The following NHSL1 variants were observed in gnomAD, a reference collection of about 807,000 sequenced individuals.
NHSL1 encodes NHS like 1, also known as NHS-like protein 1.
Under a neutral mutation model 95.0 loss-of-function variants are expected in NHSL1, and 48 were observed. The ratio of observed to expected loss-of-function variants is 0.51; its 90% confidence interval spans 0.40 to 0.64. The LOEUF (loss-of-function observed/expected upper bound fraction) is 0.64, where lower values mean the gene tolerates loss of function less well. Among genes scored for constraint, NHSL1 ranks in the 30% least tolerant of loss-of-function variants. NHSL1 has a pLI of 0.00. For synonymous variants in NHSL1, 783 were observed against 833.9 expected (o/e 0.94, Z 1.05); for missense variants, 1,971 against 2,077.7 (o/e 0.95, Z 1.00).
upstream of NHSL1, among the ~76,000 whole-genome samples, chr6:138,546,594 G>A (rs539306720): frequency 6.6e-6 from 1 of 152,242 alleles, no homozygotes; most frequent in East Asian, 1.9e-4. Context: ...AGGCAACAGA[G>A]TGAGACCTTG....
At chr6:138,523,627 G>GAAAAAA (rs67335375) in intron 1 of NHSL1, among the ~76,000 whole-genome samples, 2,132 of 64,656 alleles carry the variant, frequency 0.033, 163 homozygotes, top group Non-Finnish European at 0.05. Context: ...TTTTAAAGAG[G>GAAAAAA]AAAAAAAAAA....
intron 1 of NHSL1, among the ~76,000 whole-genome samples, chr6:138,638,742 T>C (rs1233527849): frequency 1.3e-5 from 2 of 152,360 alleles, no homozygotes; most frequent in East Asian, 3.9e-4. Context: ...GGAGCTTTCA[T>C]TGCACTAACT....
intron 3 of NHSL1, among the ~76,000 whole-genome samples, chr6:138,462,543 G>A (rs1778066520): frequency 6.6e-6 from 1 of 152,204 alleles, no homozygotes; most frequent in Admixed American, 6.5e-5. Context: ...TTCAATGTGA[G>A]TTTTGGTGGG....
intron 3 of NHSL1, among the ~76,000 whole-genome samples, chr6:138,467,690 C>T (rs1778482972): frequency 6.6e-6 from 1 of 151,934 alleles, no homozygotes; most frequent in Non-Finnish European, 1.5e-5. Flanking sequence ...AATATGTGTG[C>T]TTGTGTCTTA....
intron 1 of NHSL1, among the ~76,000 whole-genome samples, chr6:138,509,314 G>A (rs1230562876): frequency 6.6e-6 from 1 of 152,134 alleles, no homozygotes; most frequent in East Asian, 1.9e-4. Flanking sequence ...GGAATGAAAA[G>A]TCAAAGTATA....
intron 1 of NHSL1, among the ~76,000 whole-genome samples, chr6:138,570,852 C>T (rs1202531590): frequency 2.6e-5 from 4 of 152,218 alleles, no homozygotes; most frequent in Admixed American, 6.5e-5. Flanking sequence ...GACTTGATTC[C>T]TTTGTGATAC....
chr6:138,492,337 C>T (rs1050820977), intron 2 of NHSL1, among the ~76,000 whole-genome samples: 17 of 152,214 alleles, frequency 1.1e-4, no homozygotes, highest in African/African-American at 4.1e-4. Context: ...CATCACACTA[C>T]TGCCTGTTTA....
At chr6:138,654,271 CA>C (rs1228145647) in intron 1 of NHSL1, among the ~76,000 whole-genome samples, 2 of 151,478 alleles carry the variant, frequency 1.3e-5, no homozygotes, top group South Asian at 4.2e-4. Flanking sequence ...AATATGCTTG[CA>C]AAAAAAATTA....
At chr6:138,617,881 A>C (rs1397470309) in intron 1 of NHSL1, among the ~76,000 whole-genome samples, 1 of 152,212 alleles carries the variant, frequency 6.6e-6, no homozygotes, top group East Asian at 1.9e-4. Flanking sequence ...GGGAACTGCA[A>C]GGTGATGGCA....
intron 1 of NHSL1, among the ~76,000 whole-genome samples, chr6:138,524,292 A>T (rs1185681968): frequency 6.6e-6 from 1 of 152,234 alleles, no homozygotes; most frequent in African/African-American, 2.4e-5. Context: ...ATGCAGCTCA[A>T]CGAATTGCCA....
At chr6:138,500,415 A>T (rs1168684339), upstream of NHSL1, among the ~76,000 whole-genome samples, 1 of 152,222 alleles carries the variant, frequency 6.6e-6, no homozygotes, top group Non-Finnish European at 1.5e-5. Flanking sequence ...AAGGGATAGG[A>T]AAAAAGAGGA....
At chr6:138,484,104 G>C (rs1779584487) in intron 2 of NHSL1, among the ~76,000 whole-genome samples, 1 of 152,142 alleles carries the variant, frequency 6.6e-6, no homozygotes, top group African/African-American at 2.4e-5. Flanking sequence ...GCACCATCAT[G>C]GTTATCTATC....
At chr6:138,473,161 C>T (rs1029497095) in intron 3 of NHSL1, 145 bp downstream of exon 3, 1 of 655,898 alleles carries the variant, frequency 1.5e-6, no homozygotes, top group South Asian at 5.9e-5. Flanking sequence ...AATTATGGCG[C>T]ATTTGTCAAA....
At chr6:138,464,299 G>A (rs773360139) in intron 3 of NHSL1, 9 of 709,692 alleles carry the variant, frequency 1.3e-5, no homozygotes, top group South Asian at 3.1e-5. Flanking sequence ...TGTCGTGGGC[G>A]GACTGGGCCC....
intron 1 of NHSL1, among the ~76,000 whole-genome samples, chr6:138,611,857 C>A (rs1784517869): frequency 6.6e-6 from 1 of 152,030 alleles, no homozygotes; most frequent in South Asian, 2.1e-4. Context: ...TGCCTGTAAT[C>A]CCAGCACTTT....
At chr6:138,500,252 T>A (rs1780602520), upstream of NHSL1, among the ~76,000 whole-genome samples, 1 of 152,230 alleles carries the variant, frequency 6.6e-6, no homozygotes, top group Non-Finnish European at 1.5e-5. Flanking sequence ...ACAAACATTA[T>A]CTGAGTTACT....
Position 138,643,950 on chromosome 6 carries a change from A to G in NHSL1, c.96+48526T>C, listed in dbSNP as rs183950531. ...GAGGCGGAGGCTGCTGTGAGCCCAG[A>G]CTGTGCCACTGCACTCCACCCGGGC... On this transcript the variant is annotated intron_variant, in intron 1 of 3. Transcript: ENST00000491526. Among the ~76,000 whole-genome samples, 338 of 151,562 alleles carry G rather than the reference A, an allele frequency of 2.2e-3. 1 individual carries two copies. The highest frequency in any genetic ancestry group is 7.6e-3 in the African/African-American group (313 of 41,312).
At chr6:138,522,175 C>T (rs1651164496) in intron 1 of NHSL1, among the ~76,000 whole-genome samples, 1 of 152,140 alleles carries the variant, frequency 6.6e-6, no homozygotes, top group African/African-American at 2.4e-5. Flanking sequence ...AGATCAGATG[C>T]AGACTTTTTT....
chr6:138,431,197 A>T lies in NHSL1; in HGVS notation c.3148T>A (p.Ser1050Thr). The change falls in exon 6 of 8, where the codon TCC becomes ACC. Residue 1050 changes from serine to threonine, a missense_variant. Physicochemically the swap from Ser to Thr is moderately conservative, Grantham distance 58. This residue lies in a region of NHSL1 where 1,602 missense variants were observed against 1,654.5 expected (regional missense o/e 0.97). Transcript: ENST00000343505. This position sits in a 1 kb window ranked among gnomAD's most constrained non-coding sequence, Gnocchi z 4.0. ...TCCTTGGTAGAAGGCGGCCTCAAGGATCCCCGGGAGGATTCTGGCTGGCCA... is the reference window on the plus strand; with the variant it reads ...TCCTTGGTAGAAGGCGGCCTCAAGGTTCCCCGGGAGGATTCTGGCTGGCCA... ...NSGQPESSRG[S>T]LRPPSTKEET... 6.5e-7 allele frequency: 1 copy of T among 1,544,012 alleles called. No homozygotes were observed. The highest frequency in any genetic ancestry group is 1.2e-5 in the South Asian group (1 of 83,526).
Sources: gnomAD v4.1 joint callset for allele counts (sites outside exome capture counted in the v4.1 genomes callset) on GRCh38, gnomAD v4.1.1 for gene constraint, gnomAD v4.1.1 regional missense constraint, Gnocchi (gnomAD v3.1) non-coding constraint, MANE v1.5 for transcripts, NCBI Gene and HGNC (gene_info 2026-07-23, HGNC 2026-07-21) for gene names.